Variants in GALNTL6 observed in about 807,000 individuals in gnomAD.
GALNTL6 encodes polypeptide N-acetylgalactosaminyltransferase-like 6.
Under a neutral mutation model 73.7 loss-of-function variants are expected in GALNTL6, and 46 were observed. That is an observed-to-expected ratio of 0.62 (90% CI 0.49 to 0.80). GALNTL6 has a LOEUF of 0.80. Ranked by LOEUF, GALNTL6 falls within the 30% of genes least tolerant of loss-of-function variation. The pLI is 0.00. For missense variants in GALNTL6, 604 were observed against 755.0 expected, an observed-to-expected ratio of 0.80 and a Z score of 2.34; for synonymous variants, 259 against 263.7, an observed-to-expected ratio of 0.98 and a Z score of 0.17.
At chr4:172,742,732 T>C (rs1736877737) in intron 5 of GALNTL6, among the ~76,000 whole-genome samples, 1 of 152,076 alleles carries the variant, frequency 6.6e-6, no homozygotes, top group Non-Finnish European at 1.5e-5. Context: ...CAACAAACTA[T>C]ACTGCTTAAA....
intron 5 of GALNTL6, among the ~76,000 whole-genome samples, chr4:172,556,011 T>C (rs908610049): frequency 3.3e-5 from 5 of 152,136 alleles, no homozygotes; most frequent in Non-Finnish European, 7.4e-5. Context: ...TTTGTGTATT[T>C]AAATTTGCAA....
intron 3 of GALNTL6, among the ~76,000 whole-genome samples, chr4:172,294,640 A>AAC (rs1739599648): frequency 6.6e-6 from 1 of 151,878 alleles, no homozygotes. Context: ...CAAAAAAAAA[A>AAC]CACTTTATCA....
intron 2 of GALNTL6, among the ~76,000 whole-genome samples, chr4:172,194,815 A>G (rs1735700598): frequency 6.6e-6 from 1 of 152,214 alleles, no homozygotes; most frequent in Non-Finnish European, 1.5e-5. Flanking sequence ...ATGGAAAGGA[A>G]AAACTGTTAC....
At chr4:172,143,873 C>T (rs60369302) in intron 2 of GALNTL6, among the ~76,000 whole-genome samples, 2 of 151,990 alleles carry the variant, frequency 1.3e-5, no homozygotes, top group Non-Finnish European at 2.9e-5. Flanking sequence ...TTCCATAGGT[C>T]TAAGGTTGGG....
At chr4:172,094,902 G>T (rs1383353299) in intron 2 of GALNTL6, among the ~76,000 whole-genome samples, 2 of 147,950 alleles carry the variant, frequency 1.4e-5, no homozygotes, top group Admixed American at 1.3e-4. Flanking sequence ...ATTTTTTTTT[G>T]CATTCCTGGA....
At chr4:172,658,182 T>G (rs1731169194) in intron 5 of GALNTL6, among the ~76,000 whole-genome samples, 3 of 89,484 alleles carry the variant, frequency 3.4e-5, no homozygotes, top group African/African-American at 8.4e-5. Flanking sequence ...AATATCTTTG[T>G]GGGGCCGGGT....
At chr4:172,917,632 A>G (rs560973247) in intron 8 of GALNTL6, among the ~76,000 whole-genome samples, 141 of 152,382 alleles carry the variant, frequency 9.3e-4, no homozygotes, top group African/African-American at 3.2e-3. Context: ...TATGCAGCCA[A>G]CAGACACATG....
intron 5 of GALNTL6, among the ~76,000 whole-genome samples, chr4:172,513,375 C>G (rs1337790410): frequency 6.6e-6 from 1 of 152,158 alleles, no homozygotes; most frequent in Non-Finnish European, 1.5e-5. Context: ...TCTGGTTCCT[C>G]TCTGAGTAGC....
intron 5 of GALNTL6, among the ~76,000 whole-genome samples, chr4:172,524,203 T>C (rs113391845): frequency 6.6e-6 from 1 of 152,068 alleles, no homozygotes; most frequent in Non-Finnish European, 1.5e-5. Context: ...CTTTTGTGAG[T>C]AGCTATATTT....
chr4:172,974,288 G>A (rs1303085193), intron 10 of GALNTL6, among the ~76,000 whole-genome samples: 2 of 151,954 alleles, frequency 1.3e-5, no homozygotes, highest in African/African-American at 4.8e-5. Context: ...TATAATAGAC[G>A]AGCAGATGGC....
At chr4:171,874,964 C>T (rs1197709449) in intron 2 of GALNTL6, among the ~76,000 whole-genome samples, 1 of 152,080 alleles carries the variant, frequency 6.6e-6, no homozygotes, top group Non-Finnish European at 1.5e-5. Context: ...GAAATGTATT[C>T]GTTTAGCTGT....
chr4:172,674,204 T>G (rs1166621945), intron 5 of GALNTL6, among the ~76,000 whole-genome samples: 1 of 152,184 alleles, frequency 6.6e-6, no homozygotes, highest in Non-Finnish European at 1.5e-5. Context: ...AAAGGATCTA[T>G]TTCTCCTTTG....
intron 5 of GALNTL6, among the ~76,000 whole-genome samples, chr4:172,741,096 A>G (rs1736776728): frequency 6.6e-6 from 1 of 152,046 alleles, no homozygotes; most frequent in Non-Finnish European, 1.5e-5. Flanking sequence ...TGAATGTTGA[A>G]TCATTGACCT....
intron 7 of GALNTL6, among the ~76,000 whole-genome samples, chr4:172,833,112 A>C (rs1375707100): frequency 6.6e-6 from 1 of 152,052 alleles, no homozygotes; most frequent in African/African-American, 2.4e-5. Flanking sequence ...AGTGTTACAC[A>C]CTAGAACATG....
At position 172,229,713 on chromosome 4, in the gene GALNTL6, A is replaced by G; in HGVS notation, c.196A>G (p.Arg66Gly). The G allele has an allele frequency of 6.2e-7, 1 of 1,614,026 alleles. No homozygotes were observed. Among genetic ancestry groups the G allele is most frequent in the Non-Finnish European group, 8.5e-7 (1 of 1,179,918 alleles). Reference protein sequence around the residue: ...QFYSWTDGLRRKDWHDYESIQ... With the variant: ...QFYSWTDGLRGKDWHDYESIQ... ...CTATTCATGGACAGATGGTTTGAGAAGAAAGGACTGGCATGACTATGAAAG... is the reference window on the plus strand; with the variant it reads ...CTATTCATGGACAGATGGTTTGAGAGGAAAGGACTGGCATGACTATGAAAG... The change falls in exon 3 of 13, where the codon AGA becomes GGA. Residue 66 changes from arginine to glycine, a missense_variant. Physicochemically the swap from Arg to Gly is moderately radical, Grantham distance 125. Transcript: ENST00000506823.
chr4:172,309,914 A>G (rs973612714), intron 3 of GALNTL6, among the ~76,000 whole-genome samples: 1 of 152,086 alleles, frequency 6.6e-6, no homozygotes, highest in Non-Finnish European at 1.5e-5. Flanking sequence ...AAGAATGAAA[A>G]TTGTATAAAA....
At chr4:171,849,343 A>C (rs1735457422) in intron 2 of GALNTL6, among the ~76,000 whole-genome samples, 1 of 152,180 alleles carries the variant, frequency 6.6e-6, no homozygotes, top group Admixed American at 6.5e-5. Context: ...TATTAAGTTT[A>C]TGCCTCTTAC....
chr4:172,315,222 T>C (rs1280063097), intron 4 of GALNTL6, among the ~76,000 whole-genome samples: 1 of 152,148 alleles, frequency 6.6e-6, no homozygotes, highest in African/African-American at 2.4e-5. Context: ...AAATTTTTAA[T>C]CTTTTTTTAT....
intron 7 of GALNTL6, among the ~76,000 whole-genome samples, chr4:172,822,045 A>C (rs1741961064): frequency 2.6e-5 from 4 of 152,280 alleles, no homozygotes; most frequent in Admixed American, 1.3e-4. Context: ...GTCAGAAATG[A>C]CTGCTTCTTT....
Sources: gnomAD v4.1 joint callset for allele counts (sites outside exome capture counted in the v4.1 genomes callset) on GRCh38, gnomAD v4.1.1 for gene constraint, MANE v1.5 for transcripts, NCBI Gene and HGNC (gene_info 2026-07-23, HGNC 2026-07-21) for gene names.